CACHD1: variants seen among roughly 807,000 people sequenced by gnomAD.
CACHD1 encodes the protein VWFA and cache domain-containing protein 1.
In CACHD1, 71 loss-of-function variants were observed where a neutral mutation model predicts 138.7. The ratio of observed to expected loss-of-function variants is 0.51; its 90% CI spans 0.42 to 0.62. The LOEUF (loss-of-function observed/expected upper bound fraction) is 0.62, where lower values mean the gene tolerates loss of function less well. Ranked by LOEUF, CACHD1 falls within the 20% of genes least tolerant of loss-of-function variation. CACHD1 has a pLI of 0.00. For missense variants in CACHD1, 1,389 were observed against 1,625.3 expected (o/e 0.85, Z 2.50); for synonymous variants, 578 against 591.5 (o/e 0.98, Z 0.33).
At position 64,614,092 on chromosome 1, in the gene CACHD1, A is replaced by G. The variant is rs148275300; in HGVS notation, c.517+11180A>G. Among the ~76,000 whole-genome samples the G allele has an allele frequency of 2.1e-3, 318 of 152,312 alleles. 2 individuals carry two copies. The highest frequency in any genetic ancestry group is 7.1e-3 in the African/African-American group (297 of 41,564). On this transcript the variant is annotated intron_variant, in intron 4 of 26. Transcript: ENST00000651257. ...CTCAGTACTTCTCCAGGTTTTATCC[A>G]TTTTGACCTAATACGAGTCATTGTC...
chr1:64,649,089 T>A (rs1649005814), intron 9 of CACHD1, among the ~76,000 whole-genome samples: 1 of 152,228 alleles, frequency 6.6e-6, no homozygotes, highest in African/African-American at 2.4e-5. Flanking sequence ...AATACGGATT[T>A]TTTTTAAAAC....
intron 19 of CACHD1, among the ~76,000 whole-genome samples, chr1:64,673,779 T>C (rs1649895833): frequency 6.6e-6 from 1 of 152,244 alleles, no homozygotes; most frequent in Non-Finnish European, 1.5e-5. Context: ...TGTATAAATA[T>C]ATGTGGCACC....
chr1:64,598,234 G>A (rs1451405759), intron 3 of CACHD1, among the ~76,000 whole-genome samples: 2 of 152,176 alleles, frequency 1.3e-5, no homozygotes, highest in Non-Finnish European at 2.9e-5. Flanking sequence ...TATATCTTAA[G>A]CCCCTATTGA....
chr1:64,591,442 T>C (rs1647099313), intron 3 of CACHD1, among the ~76,000 whole-genome samples: 1 of 152,214 alleles, frequency 6.6e-6, no homozygotes, highest in Non-Finnish European at 1.5e-5. Context: ...TATTAGATCA[T>C]AAGGATCCTC....
At chr1:64,550,173 G>A (rs1421153303) in intron 1 of CACHD1, among the ~76,000 whole-genome samples, 2 of 152,096 alleles carry the variant, frequency 1.3e-5, no homozygotes, top group Non-Finnish European at 2.9e-5. Flanking sequence ...GACTGAACAG[G>A]GACATGAGAG....
intron 1 of CACHD1, among the ~76,000 whole-genome samples, chr1:64,478,998 A>G (rs1646193728): frequency 1.3e-5 from 2 of 152,160 alleles, no homozygotes; most frequent in Non-Finnish European, 2.9e-5. Context: ...AAAGAAAAAC[A>G]CACTATGTGG....
chr1:64,602,164 T>G (rs1266648902), intron 3 of CACHD1, among the ~76,000 whole-genome samples: 2 of 152,218 alleles, frequency 1.3e-5, no homozygotes, highest in African/African-American at 4.8e-5. Context: ...TTTGCCTTAT[T>G]TGCATGACAG....
intron 26 of CACHD1, among the ~76,000 whole-genome samples, chr1:64,682,730 C>T (rs1186320695): frequency 6.6e-6 from 1 of 152,060 alleles, no homozygotes; most frequent in African/African-American, 2.4e-5. Context: ...ATGAAATCCA[C>T]CTACTCTGCC....
At chr1:64,576,657 CTCAGTTTCT>C (rs1440276335) in intron 2 of CACHD1, among the ~76,000 whole-genome samples, 2 of 152,108 alleles carry the variant, frequency 1.3e-5, no homozygotes, top group Non-Finnish European at 2.9e-5. Flanking sequence ...CTCCATATGC[CTCAGTTTCT>C]TCACTTGTAA....
At chr1:64,539,560 C>T (rs1031644309) in intron 1 of CACHD1, among the ~76,000 whole-genome samples, 3 of 152,096 alleles carry the variant, frequency 2.0e-5, no homozygotes, top group Non-Finnish European at 2.9e-5. Context: ...CAAGAAACAG[C>T]GTCTTTATCT....
chr1:64,562,806 G>A (rs987440011), intron 2 of CACHD1, among the ~76,000 whole-genome samples: 1 of 152,088 alleles, frequency 6.6e-6, no homozygotes. Flanking sequence ...CTTGAGCATA[G>A]TTATAATAGC....
At chr1:64,568,958 C>T (rs1646904705) in intron 2 of CACHD1, among the ~76,000 whole-genome samples, 1 of 152,072 alleles carries the variant, frequency 6.6e-6, no homozygotes, top group Admixed American at 6.5e-5. Context: ...TTTCACTCTT[C>T]TTGCCCAAGC....
At chr1:64,569,459 T>C (rs531923326) in intron 2 of CACHD1, among the ~76,000 whole-genome samples, 48 of 152,306 alleles carry the variant, frequency 3.2e-4, no homozygotes, top group Middle Eastern at 6.8e-3. Context: ...CCTCATTCCC[T>C]TGATTCTCAT....
intron 4 of CACHD1, among the ~76,000 whole-genome samples, chr1:64,623,897 C>T (rs1409580510): frequency 6.6e-6 from 1 of 152,220 alleles, no homozygotes; most frequent in Non-Finnish European, 1.5e-5. Flanking sequence ...CAGCTTTTTT[C>T]CTGGACCACT....
At chr1:64,540,008 A>G (rs866398744) in intron 1 of CACHD1, among the ~76,000 whole-genome samples, 3 of 152,154 alleles carry the variant, frequency 2.0e-5, no homozygotes, top group Non-Finnish European at 2.9e-5. Context: ...TCTTAAGGGT[A>G]TGGGACCATA....
chr1:64,483,873 C>A (rs200962039), intron 1 of CACHD1, among the ~76,000 whole-genome samples: 7 of 146,700 alleles, frequency 4.8e-5, no homozygotes, highest in East Asian at 2.1e-4. Context: ...TTCCCCCCCC[C>A]CCTTGCATAT....
intron 3 of CACHD1, among the ~76,000 whole-genome samples, chr1:64,602,068 T>C (rs1647220435): frequency 6.6e-6 from 1 of 152,228 alleles, no homozygotes; most frequent in South Asian, 2.1e-4. Context: ...ATTCCACTAA[T>C]ATTTATTGAT....
At chr1:64,547,402 G>C (rs1053109825) in intron 1 of CACHD1, among the ~76,000 whole-genome samples, 4 of 152,098 alleles carry the variant, frequency 2.6e-5, no homozygotes, top group Non-Finnish European at 4.4e-5. Flanking sequence ...TTTCGCTCTT[G>C]TTGCCCAAGC....
chr1:64,643,036 T>TAAAAAAAAAA (rs139320316), intron 8 of CACHD1, among the ~76,000 whole-genome samples: 3 of 33,352 alleles, frequency 9.0e-5, no homozygotes, highest in African/African-American at 1.6e-4. Context: ...AGACTCTGTC[T>TAAAAAAAAAA]AAAAAAAAAA....
Sources: gnomAD v4.1 joint callset for allele counts (sites outside exome capture counted in the v4.1 genomes callset) on GRCh38, gnomAD v4.1.1 for gene constraint, MANE v1.5 for transcripts, NCBI Gene and HGNC (gene_info 2026-07-23, HGNC 2026-07-21) for gene names.